HTT: variants seen among roughly 807,000 people sequenced by gnomAD.
HTT encodes the protein huntington disease protein.
A neutral mutation model predicts 362.3 loss-of-function variants in HTT; 104 were observed. The observed-to-expected ratio is 0.29, with a 90% CI of 0.24 to 0.34. The LOEUF (loss-of-function observed/expected upper bound fraction) is 0.34. Among genes scored for constraint, HTT ranks in the 10% least tolerant of loss-of-function variants. HTT has a pLI of 1.00. For missense variants in HTT, 3,301 were observed against 3,928.6 expected (o/e 0.84, Z 4.27); for synonymous variants, 1,577 against 1,548.7 (o/e 1.02, Z -0.43).
At chr4:3,081,610 G>A (rs577542047) in intron 1 of HTT, among the ~76,000 whole-genome samples, 2 of 141,970 alleles carry the variant, frequency 1.4e-5, no homozygotes, top group African/African-American at 5.2e-5. Flanking sequence ...CCAGGCTGGA[G>A]TGCAGTGGCG....
chr4:3,234,375 C>T (rs1022233939), intron 61 of HTT, among the ~76,000 whole-genome samples: 11 of 152,262 alleles, frequency 7.2e-5, no homozygotes, highest in African/African-American at 1.9e-4. Flanking sequence ...GCAGGACAGG[C>T]GGACGGCTGG....
At chr4:3,092,853 C>T (rs1713586692) in intron 2 of HTT, among the ~76,000 whole-genome samples, 1 of 152,290 alleles carries the variant, frequency 6.6e-6, no homozygotes, top group South Asian at 2.1e-4. Context: ...CAGTGGTTTT[C>T]AAGTTATTGG....
chr4:3,151,239 G>T (rs370035894), intron 26 of HTT, among the ~76,000 whole-genome samples: 3 of 152,124 alleles, frequency 2.0e-5, no homozygotes, highest in Non-Finnish European at 4.4e-5. Flanking sequence ...TCACAGTTCT[G>T]CAGGCTGTAC....
intron 30 of HTT, among the ~76,000 whole-genome samples, 189 bp downstream of exon 30, chr4:3,172,586 G>A (rs1290943854): frequency 6.6e-6 from 1 of 152,186 alleles, no homozygotes; most frequent in Non-Finnish European, 1.5e-5. Flanking sequence ...CCAGGAGGAC[G>A]AGGTCTGTCA....
rs1205276270 is a variant in HTT at position 3,151,106 on chromosome 4, C to T, written c.3498+2899C>T. 2.6e-5 allele frequency among the ~76,000 whole-genome samples: 4 copies of T among 151,080 alleles called. 1 individual carries two copies. The highest frequency in any genetic ancestry group is 4.2e-4 in the South Asian group (2 of 4,782). On this transcript the variant is annotated intron_variant, in intron 26 of 66. Transcript: ENST00000355072. Reference sequence around the variant, plus strand: ...GGAAGAAGTGAGCAAGCATTACCATCTGAGCTCTATCTCCTCTCAGGCCAG... The same window carrying T: ...GGAAGAAGTGAGCAAGCATTACCATTTGAGCTCTATCTCCTCTCAGGCCAG...
At chr4:3,110,374 G>A (rs866214023) in intron 6 of HTT, among the ~76,000 whole-genome samples, 2 of 152,062 alleles carry the variant, frequency 1.3e-5, no homozygotes, top group South Asian at 4.1e-4. Flanking sequence ...CCCCAGTGTG[G>A]TCATCCAACT....
chr4:3,105,470 G>A lies in HTT; in HGVS notation c.608+34G>A, dbSNP rs759072751. ...TACACTCTGGATGTTGGTTTTTGTC[G>A]GGGGCCAGCTGCTACTGATCCTTTA... On this transcript the variant is annotated intron_variant, in intron 5 of 66. Coordinates refer to ENST00000355072, the MANE Select transcript of HTT (RefSeq NM_001388492.1). 5.1e-6 allele frequency: 7 copies of A among 1,369,188 alleles called. No individual in the cohort carries two copies. The East Asian group carries it at 6.9e-5, about 13-fold the overall frequency. 84.8% of individuals were successfully genotyped at this position (1,369,188 alleles called of 1,614,324 possible). A position where few individuals can be genotyped will look rare whatever the true frequency, so the allele number is the denominator to read the frequency against.
Position 3,074,934 on chromosome 4 carries a change from C to CAGCAGCAGCAGCAGT in HTT, c.110_111insGCAGCAGCAGCAGTA (p.Gln38_Pro39insGlnGlnGlnTer). On this transcript the variant is annotated stop_gained and inframe_insertion, in exon 1 of 67. Coordinates refer to ENST00000355072, the MANE Select transcript of HTT (RefSeq NM_001388492.1). LOFTEE classifies it high-confidence loss of function. ...GCAGCAGCAGCAGCAGCAGCAGCAG[C>CAGCAGCAGCAGCAGT]AACAGCCGCCACCGCCGCCGCCGCC... 1 of 1,484,368 alleles carries CAGCAGCAGCAGCAGT rather than the reference C, an allele frequency of 6.7e-7. No individual in the cohort carries two copies. Among genetic ancestry groups the CAGCAGCAGCAGCAGT allele is most frequent in the Non-Finnish European group, 8.9e-7 (1 of 1,123,882 alleles). The allele number at this position is 1,484,368 out of a possible 1,614,324, so 91.9% of individuals were successfully genotyped here. A position where few individuals can be genotyped will look rare whatever the true frequency, so the allele number is the denominator to read the frequency against.
In HTT at chr4:3,240,129, C is replaced by T; in HGVS notation, c.*70C>T. On this transcript the variant is annotated 3_prime_UTR_variant, in exon 67 of 67. Transcript: ENST00000355072. ...CCTTTGGAAGTCTGCGCCCTTGTGCCCTGCCTCCACCGAGCCAGCTTGGTC... is the reference window on the plus strand; with the variant it reads ...CCTTTGGAAGTCTGCGCCCTTGTGCTCTGCCTCCACCGAGCCAGCTTGGTC... 1 of 1,328,304 alleles carries T rather than the reference C, an allele frequency of 7.5e-7. No individual in the cohort carries two copies. Among genetic ancestry groups the T allele is most frequent in the Admixed American group, 2.0e-5 (1 of 49,668 alleles). The allele number at this position is 1,328,304 out of a possible 1,614,324, so 82.3% of individuals were successfully genotyped here.
In HTT at chr4:3,116,179, G is replaced by T. The variant is rs1715018678; in HGVS notation, c.984G>T (p.Gln328His). ...LRYLVPLLQQ[Q>H]VKDTSLKGSF... ...ATTTGGTGCCCTTGCTGCAGCAGCA[G>T]GTCAAGGACACAAGCCTGAAAGGCA... Residue 328 changes from glutamine to histidine, a missense_variant, in exon 8 of 67, where the codon CAG (glutamine) becomes CAT (histidine). Transcript: ENST00000355072. 1 of 1,614,032 alleles carries T rather than the reference G, an allele frequency of 6.2e-7. No homozygotes were observed. The highest frequency in any genetic ancestry group is 8.5e-7 in the Non-Finnish European group (1 of 1,179,896).
At chr4:3,176,372 G>A (rs1718246655) in intron 33 of HTT, among the ~76,000 whole-genome samples, 1 of 152,204 alleles carries the variant, frequency 6.6e-6, no homozygotes, top group African/African-American at 2.4e-5. Context: ...TGGGCTTTGC[G>A]TTGGCCTGAT....
At chr4:3,178,225 T>G (rs1192001797) in intron 34 of HTT, 73 bp from the exon 35 acceptor site, 1 of 1,155,378 alleles carries the variant, frequency 8.7e-7, no homozygotes, top group East Asian at 2.3e-5. Context: ...AATCATGAAT[T>G]ATTTTATGTT....
In HTT at chr4:3,154,273, T is replaced by A; in HGVS notation, c.3499-20T>A. On this transcript the variant is annotated intron_variant, in intron 26 of 66. Transcript: ENST00000355072. ...CATGTTTTTGTTTTTTTGTTTTTTG[T>A]TTTTGTTTTTCTATTTTAGGCAGCC... 1.3e-6 allele frequency: 2 copies of A among 1,527,186 alleles called. No homozygotes were observed. Among genetic ancestry groups the A allele is most frequent in the Non-Finnish European group, 1.8e-6 (2 of 1,139,478 alleles). The allele number at this position is 1,527,186 out of a possible 1,614,324, so 94.6% of individuals were successfully genotyped here.
rs1266214366 is a variant in HTT, at chr4:3,127,358, A to G, written c.1497A>G (p.Pro499=). The change falls in exon 12 of 67, where the codon CCA becomes CCG. Residue 499 remains proline (P), a synonymous_variant. Transcript: ENST00000355072. The part of the protein sequence containing the change: ...SAGHDIITEQ[P]RSQHTLQADS... ...GTCATGACATCATCACAGAACAGCC[A>G]CGGTCACAGCACACACTGCAGGCGG... 13 of 1,614,090 alleles carry G rather than the reference A, an allele frequency of 8.1e-6. No individual in the cohort carries two copies. The East Asian group carries it at 2.4e-4, about 30-fold the overall frequency.
At chr4:3,210,505 C>T (rs1720101209) in intron 47 of HTT, among the ~76,000 whole-genome samples, 1 of 152,178 alleles carries the variant, frequency 6.6e-6, no homozygotes, top group Admixed American at 6.5e-5. Flanking sequence ...TGAGGTTCTT[C>T]ACCCCCCAAC....
intron 27 of HTT, among the ~76,000 whole-genome samples, chr4:3,155,778 G>A (rs1234310208): frequency 7.5e-5 from 11 of 146,772 alleles, no homozygotes; most frequent in African/African-American, 2.3e-4. Context: ...CGCGCCAGTC[G>A]TCCCAGCTAC....
chr4:3,143,947 A>G (rs1435918997), intron 23 of HTT, among the ~76,000 whole-genome samples: 1 of 152,178 alleles, frequency 6.6e-6, no homozygotes. Context: ...ATTAGAAAAG[A>G]ACCATAATAT....
At chr4:3,232,160 G>C (rs902548556) in intron 60 of HTT, among the ~76,000 whole-genome samples, 5 of 152,178 alleles carry the variant, frequency 3.3e-5, no homozygotes. Context: ...TGCGTGTGAG[G>C]GGATAGCACA....
At chr4:3,150,843 C>T (rs111444140) in intron 26 of HTT, among the ~76,000 whole-genome samples, 3,092 of 152,144 alleles carry the variant, frequency 0.02, 77 homozygotes, top group African/African-American at 0.058. Flanking sequence ...GAGACCATTC[C>T]GGCTCACACG....
Sources: allele counts gnomAD v4.1 joint callset (sites outside exome capture counted in the v4.1 genomes callset), GRCh38; gene constraint gnomAD v4.1.1; transcripts MANE v1.5; gene names NCBI Gene and HGNC (gene_info 2026-07-23, HGNC 2026-07-21).